PDK1: variants seen among roughly 807,000 people sequenced by gnomAD.
PDK1 encodes [Pyruvate dehydrogenase (acetyl-transferring)] kinase isozyme 1, mitochondrial.
A neutral mutation model predicts 54.2 loss-of-function variants in PDK1; 39 were observed. The observed-to-expected ratio is 0.72, with a 90% CI of 0.56 to 0.94. The LOEUF is 0.94. Ranked by LOEUF, PDK1 falls within the 40% of genes least tolerant of loss-of-function variation. The pLI, the probability that PDK1 is intolerant of heterozygous loss-of-function variation, is 0.00. For missense variants in PDK1, 552 were observed against 566.0 expected (o/e 0.98, Z 0.25); for synonymous variants, 221 against 207.1 (o/e 1.07, Z -0.58).
chr2:172,556,248 G>A lies in PDK1; in HGVS notation c.98G>A (p.Gly33Asp). ...GFSRSFSSDSGSSPASERGVP... is the reference protein window; with the variant it reads ...GFSRSFSSDSDSSPASERGVP... ...AGCCGCAGCTTCAGCTCGGACTCGG[G>A]CTCCAGCCCGGCGTCCGAGCGCGGC... The change falls in exon 1 of 11, where the codon GGC becomes GAC. Residue 33 changes from glycine to aspartate, a missense_variant. Physicochemically the swap from Gly to Asp is moderately conservative, Grantham distance 94. Transcript: ENST00000282077. The A allele has an allele frequency of 6.8e-7, 1 of 1,470,624 alleles. No homozygotes were observed. Among genetic ancestry groups the A allele is most frequent in the Non-Finnish European group, 8.9e-7 (1 of 1,117,352 alleles). The allele number at this position is 1,470,624 out of a possible 1,614,324, so 91.1% of individuals were successfully genotyped here. A position where few individuals can be genotyped will look rare whatever the true frequency, so the allele number is the denominator to read the frequency against.
chr2:172,708,138 C>CA, the PDK1 span, among the ~76,000 whole-genome samples: 2 of 151,844 alleles, frequency 1.3e-5, no homozygotes, highest in Non-Finnish European at 2.9e-5. Flanking sequence ...CCTGTCTCTA[C>CA]AAAAAATTAG....
chr2:172,673,967 C>T, the PDK1 span, among the ~76,000 whole-genome samples: 2 of 152,214 alleles, frequency 1.3e-5, no homozygotes, highest in African/African-American at 2.4e-5. Context: ...CACAAGCCTG[C>T]GTTAAGTTTG....
chr2:172,717,842 AATG>A, the PDK1 span, among the ~76,000 whole-genome samples: 1 of 152,198 alleles, frequency 6.6e-6, no homozygotes, highest in Non-Finnish European at 1.5e-5. Context: ...CAAAATGATT[AATG>A]GAGCTCACTG....
the PDK1 span, among the ~76,000 whole-genome samples, chr2:172,704,707 A>T: frequency 6.6e-6 from 1 of 152,324 alleles, no homozygotes; most frequent in East Asian, 1.9e-4. Context: ...AGGTATGGGG[A>T]AACAACCAAA....
At chr2:172,696,177 A>AG in the PDK1 span, among the ~76,000 whole-genome samples, 128 of 151,064 alleles carry the variant, frequency 8.5e-4, no homozygotes, top group Middle Eastern at 3.4e-3. Context: ...TGTCTCAAAA[A>AG]AAAAAAAAAA....
chr2:172,663,203 C>G, the PDK1 span, among the ~76,000 whole-genome samples: 41 of 152,300 alleles, frequency 2.7e-4, 1 homozygote, highest in South Asian at 3.5e-3. Context: ...CAGTTTCTCC[C>G]TCTGTCTTCA....
chr2:172,630,545 G>T, the PDK1 span, among the ~76,000 whole-genome samples: 1 of 151,972 alleles, frequency 6.6e-6, no homozygotes, highest in Non-Finnish European at 1.5e-5. Flanking sequence ...TCATCCAATT[G>T]TGAGTCTTAT....
chr2:172,579,968 A>G (rs560758744), intron 8 of PDK1, among the ~76,000 whole-genome samples: 15 of 151,582 alleles, frequency 9.9e-5, no homozygotes, highest in African/African-American at 3.1e-4. Context: ...CAGCCCTTCT[A>G]TTGAACTTTT....
the PDK1 span, chr2:172,723,941 A>G: frequency 6.6e-6 from 1 of 152,190 alleles, no homozygotes; most frequent in African/African-American, 2.4e-5. Flanking sequence ...GTAGGTTTAA[A>G]CATTTTCACA....
At chr2:172,639,871 A>T in the PDK1 span, among the ~76,000 whole-genome samples, 2 of 152,228 alleles carry the variant, frequency 1.3e-5, no homozygotes, top group Admixed American at 1.3e-4. Context: ...TTCTGCCCTA[A>T]GGGACTCCAA....
chr2:172,702,544 G>T, the PDK1 span, among the ~76,000 whole-genome samples: 3 of 147,196 alleles, frequency 2.0e-5, no homozygotes, highest in South Asian at 2.1e-4. Flanking sequence ...AACTACAATT[G>T]TCTCGCTTAC....
the PDK1 span, among the ~76,000 whole-genome samples, chr2:172,651,984 C>G: frequency 2.0e-5 from 3 of 152,224 alleles, no homozygotes; most frequent in Admixed American, 1.3e-4. Flanking sequence ...CAGAAACATC[C>G]TGATACCAAA....
At chr2:172,559,438 A>G (rs1431103417) in intron 2 of PDK1, among the ~76,000 whole-genome samples, 2 of 152,228 alleles carry the variant, frequency 1.3e-5, no homozygotes, top group African/African-American at 4.8e-5. Context: ...ATAAGAAAAA[A>G]TGTCTGCAAT....
chr2:172,677,910 T>C, the PDK1 span, among the ~76,000 whole-genome samples: 1 of 152,218 alleles, frequency 6.6e-6, no homozygotes, highest in Non-Finnish European at 1.5e-5. Flanking sequence ...AGCTCACGCC[T>C]GTAATCCCAG....
the PDK1 span, among the ~76,000 whole-genome samples, chr2:172,669,196 A>T: frequency 2.0e-5 from 3 of 150,910 alleles, no homozygotes; most frequent in African/African-American, 7.4e-5. Context: ...AGTAGCTGGG[A>T]CTACAGGCGT....
At chr2:172,609,859 GT>G (rs1253105742), downstream of PDK1, among the ~76,000 whole-genome samples, 2 of 152,070 alleles carry the variant, frequency 1.3e-5, no homozygotes, top group African/African-American at 4.8e-5. Flanking sequence ...TGGAGTCTCT[GT>G]TACCAGGCTG....
chr2:172,643,249 G>C, the PDK1 span, among the ~76,000 whole-genome samples: 3 of 152,220 alleles, frequency 2.0e-5, no homozygotes, highest in Non-Finnish European at 4.4e-5. Context: ...TTGCCATGTA[G>C]CTGTCACCTC....
chr2:172,585,522 C>T (rs973387693), intron 8 of PDK1, among the ~76,000 whole-genome samples: 17 of 151,852 alleles, frequency 1.1e-4, no homozygotes, highest in African/African-American at 4.1e-4. Flanking sequence ...GATGGGGTTT[C>T]GCTGTGTGGG....
At chr2:172,696,534 A>T in the PDK1 span, among the ~76,000 whole-genome samples, 1 of 152,174 alleles carries the variant, frequency 6.6e-6, no homozygotes, top group African/African-American at 2.4e-5. Flanking sequence ...CTGCTCTCAT[A>T]ATCTGAGAAG....
Sources: allele counts gnomAD v4.1 joint callset (sites outside exome capture counted in the v4.1 genomes callset), GRCh38; gene constraint gnomAD v4.1.1; transcripts MANE v1.5; gene names NCBI Gene and HGNC (gene_info 2026-07-23, HGNC 2026-07-21).